ACSM3: variants seen among roughly 807,000 people sequenced by gnomAD.
ACSM3 encodes the protein acyl-CoA synthetase medium chain family member 3, also known as acyl-coenzyme A synthetase ACSM3, mitochondrial.
Under a neutral mutation model 74.1 loss-of-function variants are expected in ACSM3, and 61 were observed. The ratio of observed to expected loss-of-function variants is 0.82; its 90% CI spans 0.67 to 1.02. ACSM3 has a LOEUF of 1.02. ACSM3 is among the 50% of genes least tolerant of loss of function. The pLI is 0.00. For synonymous variants in ACSM3, 213 were observed against 241.5 expected (o/e 0.88, Z 1.09); for missense variants, 660 against 697.0 (o/e 0.95, Z 0.60).
At chr16:20,796,614 A>T in intron 13 of ACSM3, 125 bp downstream of exon 13, 1 of 1,528,766 alleles carries the variant, frequency 6.5e-7, no homozygotes. Flanking sequence ...TGAACTGATG[A>T]CATATGGGTA....
At chr16:20,742,477 T>C (rs2079935789) in intron 1 of ACSM3, among the ~76,000 whole-genome samples, 4 of 151,976 alleles carry the variant, frequency 2.6e-5, no homozygotes, top group Admixed American at 2.0e-4. Flanking sequence ...CCAACATCTC[T>C]ACTAAAATGC....
chr16:20,729,704 A>G (rs1020525648), intron 1 of ACSM3, among the ~76,000 whole-genome samples: 15 of 152,158 alleles, frequency 9.9e-5, no homozygotes, highest in African/African-American at 2.7e-4. Flanking sequence ...CAACTTTACA[A>G]TAAGTCGTGT....
intron 1 of ACSM3, chr16:20,685,295 C>A: frequency 6.2e-7 from 1 of 1,614,228 alleles, no homozygotes. Flanking sequence ...TGTGTGAAGA[C>A]GTTGGCTACA....
chr16:20,763,459 CT>C (rs2080093778), upstream of ACSM3, among the ~76,000 whole-genome samples: 1 of 152,114 alleles, frequency 6.6e-6, no homozygotes, highest in Non-Finnish European at 1.5e-5. Context: ...AGGCCGGTGG[CT>C]GTGCAGAGTG....
chr16:20,737,883 C>A (rs907038930), intron 1 of ACSM3: 3 of 1,613,546 alleles, frequency 1.9e-6, no homozygotes, highest in East Asian at 2.2e-5. Flanking sequence ...GTAACATTCG[C>A]AAAATAACTC....
At chr16:20,699,960 C>A (rs1029918766) in intron 1 of ACSM3, among the ~76,000 whole-genome samples, 12 of 152,162 alleles carry the variant, frequency 7.9e-5, no homozygotes, top group Admixed American at 5.2e-4. Context: ...TAGTTCTGAA[C>A]AATAAACTCC....
chr16:20,792,098 G>C lies in ACSM3; in HGVS notation c.1423G>C (p.Ala475Pro), dbSNP rs2080612729. The C allele has an allele frequency of 6.2e-7, 1 of 1,614,036 alleles. No individual in the cohort carries two copies. The highest frequency in any genetic ancestry group is 1.3e-5 in the African/African-American group (1 of 74,918). Reference sequence around the variant, plus strand: ...TAAAGATGGGTATTTCTGGTTTGTTGCAAGAGCAGATGATGTCATATTATC... The same window carrying C: ...TAAAGATGGGTATTTCTGGTTTGTTCCAAGAGCAGATGATGTCATATTATC... ...MDKDGYFWFVARADDVILSSG... is the reference protein window; with the variant it reads ...MDKDGYFWFVPRADDVILSSG... Residue 475 changes from alanine to proline, a missense_variant, in exon 11 of 14, where the codon GCA (alanine) becomes CCA (proline). Physicochemically the swap from Ala to Pro is conservative, Grantham distance 27 (BLOSUM62 -1). Coordinates refer to ENST00000289416, the MANE Select transcript of ACSM3 (RefSeq NM_005622.4).
intron 1 of ACSM3, among the ~76,000 whole-genome samples, chr16:20,705,849 A>T (rs991583808): frequency 1.3e-5 from 2 of 152,220 alleles, no homozygotes; most frequent in Non-Finnish European, 2.9e-5. Flanking sequence ...GGACTAAAAA[A>T]TTATGTTCAA....
At chr16:20,717,665 C>T (rs1379775926) in intron 1 of ACSM3, among the ~76,000 whole-genome samples, 1 of 151,834 alleles carries the variant, frequency 6.6e-6, no homozygotes, top group Non-Finnish European at 1.5e-5. Flanking sequence ...ACAAAGATTC[C>T]ATGCTGATTT....
At chr16:20,694,033 C>T (rs1326416456) in intron 1 of ACSM3, among the ~76,000 whole-genome samples, 1 of 152,172 alleles carries the variant, frequency 6.6e-6, no homozygotes, top group East Asian at 1.9e-4. Flanking sequence ...AAATATTTGC[C>T]CTGGCATTCT....
At position 20,791,909 on chromosome 16, in the gene ACSM3, C is replaced by CA. The variant is rs374793225; in HGVS notation, c.1327-92dup. 1.3e-3 allele frequency: 1,910 copies of CA among 1,462,296 alleles called. 35 individuals are homozygous for CA. In the South Asian group the frequency reaches 0.023, roughly 18 times the overall value. 90.6% of individuals were successfully genotyped at this position (1,462,296 alleles called of 1,614,324 possible). ...TACTACTGCACTCCAGCCTGGGTAACAGAGTGAGACTGTCTCGGAAAAAAA... is the reference window on the plus strand; with the variant it reads ...TACTACTGCACTCCAGCCTGGGTAACAAGAGTGAGACTGTCTCGGAAAAAAA... On this transcript the variant is annotated intron_variant, in intron 10 of 13. Coordinates refer to ENST00000289416, the MANE Select transcript of ACSM3 (RefSeq NM_005622.4).
At chr16:20,770,378 C>A in intron 2 of ACSM3, 125 bp downstream of exon 2, 2 of 775,622 alleles carry the variant, frequency 2.6e-6, no homozygotes, top group Non-Finnish European at 2.1e-6. Flanking sequence ...TTGCTACTGG[C>A]ATCTAACAGG....
intron 1 of ACSM3, chr16:20,741,437 G>T: frequency 6.9e-7 from 1 of 1,451,820 alleles, no homozygotes; most frequent in Non-Finnish European, 9.1e-7. Flanking sequence ...CATACCAGCA[G>T]CCATCCCTCC....
At chr16:20,709,889 C>A (rs1326113628) in intron 1 of ACSM3, among the ~76,000 whole-genome samples, 2 of 152,168 alleles carry the variant, frequency 1.3e-5, no homozygotes, top group African/African-American at 4.8e-5. Context: ...AGTTCTTTGC[C>A]ACTTACTGAC....
At position 20,741,721 on chromosome 16, in the gene ACSM3, G is replaced by C. The variant is rs563195438; in HGVS notation, c.-189-8189G>C. Reference sequence around the variant, plus strand: ...TTCCCGCCGCCAGGCTGAGTAGTCTGCTGGGCAGGGGCCGCCATGGTGTGC... The same window carrying C: ...TTCCCGCCGCCAGGCTGAGTAGTCTCCTGGGCAGGGGCCGCCATGGTGTGC... On this transcript the variant is annotated intron_variant, in intron 1 of 3. Transcript: ENST00000561584. The C allele has an allele frequency of 3.8e-6, 6 of 1,574,752 alleles. No individual in the cohort carries two copies. In the African/African-American group the frequency reaches 6.7e-5, roughly 18 times the overall value.
Position 20,675,129 on chromosome 16 carries a change from G to A in ACSM3, c.-190+307G>A, listed in dbSNP as rs371383258. On this transcript the variant is annotated intron_variant, in intron 1 of 3. Transcript: ENST00000561584. The stretch of plus-strand genomic sequence containing the variant: ...CCTACCCAGGACACCAGAGAGGTTC[G>A]TTTCCTCTGATGAAGAGTCCTGGGG... Among the ~76,000 whole-genome samples, 141 of 152,216 alleles carry A rather than the reference G, an allele frequency of 9.3e-4. 5 individuals are homozygous for A. The South Asian group carries it at 0.028, about 30-fold the overall frequency.
rs1020694978 is a variant in ACSM3, at chr16:20,740,765, T to C, written c.-189-9145T>C. Among the ~76,000 whole-genome samples, 11 of 152,230 alleles carry C rather than the reference T, an allele frequency of 7.2e-5. 1 individual carries two copies. The highest frequency in any genetic ancestry group is 2.9e-5 in the Non-Finnish European group (2 of 68,034). The stretch of plus-strand genomic sequence containing the variant: ...AGCCAGTAATATGATTTCCAAACAC[T>C]AAGACTTTAGGTGATATTGGTAAAA... On this transcript the variant is annotated intron_variant, in intron 1 of 3. Transcript: ENST00000561584.
chr16:20,774,273 C>T (rs1217967390), intron 2 of ACSM3, among the ~76,000 whole-genome samples: 3 of 131,226 alleles, frequency 2.3e-5, no homozygotes, highest in Non-Finnish European at 4.6e-5. Flanking sequence ...GACAGCGTCT[C>T]ACTCTGTCAC....
At chr16:20,758,481 T>C (rs1033200036) in intron 3 of ACSM3, among the ~76,000 whole-genome samples, 43 of 151,982 alleles carry the variant, frequency 2.8e-4, no homozygotes, top group Non-Finnish European at 5.7e-4. Context: ...GGTGGTGATA[T>C]CCCCTTTATC....
Sources: allele counts gnomAD v4.1 joint callset (sites outside exome capture counted in the v4.1 genomes callset), GRCh38; gene constraint gnomAD v4.1.1; transcripts MANE v1.5; gene names NCBI Gene and HGNC (gene_info 2026-07-23, HGNC 2026-07-21).